BCL7C: variants seen among roughly 807,000 people sequenced by gnomAD.
BCL7C encodes B-cell CLL/lymphoma 7 protein family member C.
Under a neutral mutation model 26.2 loss-of-function variants are expected in BCL7C, and 8 were observed. The observed-to-expected ratio is 0.30, with a 90% CI of 0.18 to 0.55. BCL7C has a LOEUF of 0.55. BCL7C is among the 20% of genes least tolerant of loss of function. BCL7C has a pLI of 0.93. For missense variants in BCL7C, 262 were observed against 298.5 expected (o/e 0.88, Z 0.90); for synonymous variants, 90 against 116.5 (o/e 0.77, Z 1.47).
chr16:30,838,376 A>G (rs928829043), intron 5 of BCL7C, among the ~76,000 whole-genome samples: 3 of 152,216 alleles, frequency 2.0e-5, no homozygotes, highest in African/African-American at 7.2e-5. Context: ...AGGTAGGTAG[A>G]TAGATAGATA....
chr16:30,844,041 CAAAAAAAAAAAAA>C (rs533064710), intron 5 of BCL7C, among the ~76,000 whole-genome samples: 9 of 24,386 alleles, frequency 3.7e-4, no homozygotes, highest in Admixed American at 3.5e-3. Flanking sequence ...GACTCTGCCT[CAAAAAAAAAAAAA>C]AAAAAAAAAA....
chr16:30,880,896 C>G (rs2055032990), intron 5 of BCL7C, among the ~76,000 whole-genome samples: 1 of 152,066 alleles, frequency 6.6e-6, no homozygotes, highest in East Asian at 1.9e-4. Flanking sequence ...GAGATGAGGT[C>G]TCACTATGTT....
chr16:30,850,947 C>T (rs745427662), intron 5 of BCL7C, among the ~76,000 whole-genome samples: 2 of 152,182 alleles, frequency 1.3e-5, no homozygotes, highest in Non-Finnish European at 2.9e-5. Context: ...AATGTAATTG[C>T]GGTTTCGCAC....
intron 5 of BCL7C, among the ~76,000 whole-genome samples, chr16:30,868,647 T>G (rs950171718): frequency 7.3e-5 from 11 of 151,562 alleles, no homozygotes; most frequent in Middle Eastern, 6.8e-3. Context: ...TAGCCAGGTG[T>G]GGTGGCACGC....
chr16:30,849,310 GATGC>G (rs1296405903), intron 5 of BCL7C, among the ~76,000 whole-genome samples: 1 of 151,950 alleles, frequency 6.6e-6, no homozygotes, highest in Admixed American at 6.6e-5. Flanking sequence ...TCTGTTGTTA[GATGC>G]ATGTATGTTT....
chr16:30,877,678 A>T (rs549650178), intron 5 of BCL7C, among the ~76,000 whole-genome samples: 1,545 of 147,514 alleles, frequency 0.01, 38 homozygotes, highest in African/African-American at 0.036. Flanking sequence ...TGACCTCGTG[A>T]TCCACCCGCC....
At chr16:30,885,739 ATTTG>A (rs2055123042), downstream of BCL7C, among the ~76,000 whole-genome samples, 1 of 152,006 alleles carries the variant, frequency 6.6e-6, no homozygotes, top group Admixed American at 6.6e-5. Context: ...ATGTGTGGCA[ATTTG>A]TTACAGCAGT....
At chr16:30,890,005 G>C (rs975352766) in intron 4 of BCL7C, among the ~76,000 whole-genome samples, 1 of 151,736 alleles carries the variant, frequency 6.6e-6, no homozygotes, top group Non-Finnish European at 1.5e-5. Context: ...GACTAGAAGA[G>C]ACCAGCTGGA....
chr16:30,839,494 G>A (rs751909238), intron 5 of BCL7C, among the ~76,000 whole-genome samples: 14 of 152,186 alleles, frequency 9.2e-5, no homozygotes, highest in South Asian at 2.1e-4. Context: ...TTAGGATACC[G>A]AGATTATCAC....
Position 30,880,543 on chromosome 16 carries a change from C to CA in BCL7C, c.528+8316dup, listed in dbSNP as rs34003724. On this transcript the variant is annotated intron_variant, in intron 5 of 5. Coordinates refer to the BCL7C transcript ENST00000380317. ...TGAAACCCCGTCTCTACTAAAAATA[C>CA]AAAAAAAAAAAAAAAAAGTCAGAAC... 1.9e-3 allele frequency among the ~76,000 whole-genome samples: 239 copies of CA among 123,198 alleles called. 1 individual carries two copies. The highest frequency in any genetic ancestry group is 7.2e-3 in the African/African-American group (200 of 27,696). 80.8% of individuals were successfully genotyped at this position (123,198 alleles called of 152,430 possible).
chr16:30,878,842 C>CAA (rs1402617371), intron 5 of BCL7C, among the ~76,000 whole-genome samples: 4 of 98,802 alleles, frequency 4.0e-5, no homozygotes, highest in Admixed American at 9.9e-5. Context: ...GACTCCGTCT[C>CAA]AAAAAAAAAA....
intron 5 of BCL7C, among the ~76,000 whole-genome samples, chr16:30,868,774 A>G (rs751659087): frequency 1.3e-5 from 2 of 151,980 alleles, no homozygotes; most frequent in African/African-American, 4.8e-5. Context: ...AACAAGAGCG[A>G]AACTCCATCT....
chr16:30,840,767 T>C (rs2054596971), intron 5 of BCL7C: 1 of 152,276 alleles, frequency 6.6e-6, no homozygotes, highest in Non-Finnish European at 1.5e-5. Context: ...CATGTCCTTG[T>C]TCACATGGTG....
At chr16:30,862,131 C>A (rs1212548590) in intron 5 of BCL7C, among the ~76,000 whole-genome samples, 1 of 152,066 alleles carries the variant, frequency 6.6e-6, no homozygotes, top group Non-Finnish European at 1.5e-5. Context: ...CCACCGCGCC[C>A]GGCCTGGACA....
At chr16:30,851,730 AC>A (rs2054676495) in intron 5 of BCL7C, 1 of 631,400 alleles carries the variant, frequency 1.6e-6, no homozygotes, top group East Asian at 3.2e-5. Flanking sequence ...CCAGCAGCAG[AC>A]CACCAAACAG....
chr16:30,883,901 G>A (rs371497341), downstream of BCL7C, among the ~76,000 whole-genome samples: 9 of 146,724 alleles, frequency 6.1e-5, no homozygotes, highest in East Asian at 1.7e-3. Flanking sequence ...CAAGGCGGGC[G>A]GATCACGAGA....
At chr16:30,882,214 C>T (rs1011691001) in intron 5 of BCL7C, among the ~76,000 whole-genome samples, 5 of 152,146 alleles carry the variant, frequency 3.3e-5, no homozygotes, top group Non-Finnish European at 5.9e-5. Flanking sequence ...TTGCCTGCCT[C>T]GGCCTCCCAA....
At chr16:30,878,301 G>A (rs1359128122) in intron 5 of BCL7C, among the ~76,000 whole-genome samples, 1 of 151,802 alleles carries the variant, frequency 6.6e-6, no homozygotes, top group Non-Finnish European at 1.5e-5. Context: ...GAGGCCGAGG[G>A]AGACGGATCA....
intron 5 of BCL7C, among the ~76,000 whole-genome samples, chr16:30,848,916 G>A (rs1001682386): frequency 3.3e-5 from 5 of 151,024 alleles, no homozygotes; most frequent in Admixed American, 2.6e-4. Context: ...GGCTGGGCGC[G>A]GTGGTTCATG....
Sources: gnomAD v4.1 joint callset for allele counts (sites outside exome capture counted in the v4.1 genomes callset) on GRCh38, gnomAD v4.1.1 for gene constraint, MANE v1.5 for transcripts, NCBI Gene and HGNC (gene_info 2026-07-23, HGNC 2026-07-21) for gene names.